FNIP1: variants seen among roughly 807,000 people sequenced by gnomAD.
FNIP1 encodes the protein folliculin-interacting protein 1.
A neutral mutation model predicts 124.5 loss-of-function variants in FNIP1; 40 were observed. The ratio of observed to expected loss-of-function variants is 0.32; its 90% CI spans 0.25 to 0.42. The LOEUF is 0.42. FNIP1 is among the 10% of genes least tolerant of loss of function. FNIP1 has a pLI of 1.00. For missense variants in FNIP1, 1,176 were observed against 1,403.7 expected (o/e 0.84, Z 2.59); for synonymous variants, 472 against 470.6 (o/e 1.00, Z -0.04).
chr5:131,739,580 G>A (rs942621226), intron 2 of FNIP1, among the ~76,000 whole-genome samples: 3 of 151,946 alleles, frequency 2.0e-5, no homozygotes, highest in South Asian at 2.1e-4. Flanking sequence ...TTGGGAGGCC[G>A]AGGTGGGTGG....
At chr5:131,780,962 C>G (rs904051354) in intron 1 of FNIP1, among the ~76,000 whole-genome samples, 2 of 152,154 alleles carry the variant, frequency 1.3e-5, no homozygotes, top group Non-Finnish European at 2.9e-5. Context: ...GCCTCTTGCA[C>G]CAGTTAGCCA....
chr5:131,691,612 C>T (rs1202113657), intron 11 of FNIP1, among the ~76,000 whole-genome samples: 7 of 151,960 alleles, frequency 4.6e-5, no homozygotes, highest in Admixed American at 4.6e-4. Flanking sequence ...CAAAAAGACA[C>T]AAATTATAAA....
At chr5:131,724,575 T>C (rs1769791279) in intron 3 of FNIP1, among the ~76,000 whole-genome samples, 1 of 152,210 alleles carries the variant, frequency 6.6e-6, no homozygotes, top group East Asian at 1.9e-4. Context: ...CTTGTAAATT[T>C]GTTTAGTTCC....
chr5:131,706,793 G>A (rs374366010), intron 8 of FNIP1, among the ~76,000 whole-genome samples: 2 of 152,176 alleles, frequency 1.3e-5, no homozygotes, highest in African/African-American at 4.8e-5. Flanking sequence ...AGGGACTCCA[G>A]AAGAAAATTA....
intron 1 of FNIP1, among the ~76,000 whole-genome samples, chr5:131,776,089 G>C (rs1249414852): frequency 1.3e-5 from 2 of 152,132 alleles, no homozygotes; most frequent in Non-Finnish European, 1.5e-5. Context: ...GAGTTCCTTG[G>C]CAGCATCTTT....
At chr5:131,749,950 A>G (rs1435688077) in intron 1 of FNIP1, among the ~76,000 whole-genome samples, 2 of 152,154 alleles carry the variant, frequency 1.3e-5, no homozygotes, top group African/African-American at 4.8e-5. Flanking sequence ...ATTCCTCAGA[A>G]CAGAGCCCCA....
intron 1 of FNIP1, among the ~76,000 whole-genome samples, chr5:131,788,383 C>T (rs1005996380): frequency 3.3e-5 from 5 of 151,796 alleles, no homozygotes; most frequent in African/African-American, 1.2e-4. Flanking sequence ...GAAGTGAGAT[C>T]CAAGGCCAGG....
At chr5:131,730,037 G>A (rs1380712601) in intron 3 of FNIP1, among the ~76,000 whole-genome samples, 2 of 152,034 alleles carry the variant, frequency 1.3e-5, no homozygotes, top group African/African-American at 2.4e-5. Flanking sequence ...CACCATGCCC[G>A]GCCCACATGG....
Position 131,704,182 on chromosome 5 carries a change from C to G in FNIP1, c.999G>C (p.Gly333=), listed in dbSNP as rs1192987686. The G allele has an allele frequency of 6.2e-7, 1 of 1,612,966 alleles. No individual in the cohort carries two copies. The highest frequency in any genetic ancestry group is 1.7e-5 in the Admixed American group (1 of 59,982). Residue 333 remains glycine, a synonymous_variant, in exon 10 of 18, where the codon GGG becomes GGC. Coordinates refer to ENST00000510461, the MANE Select transcript of FNIP1 (RefSeq NM_133372.3). ...GIVRKKKIAI[G]VIFSLSKDED... is the part of the protein sequence containing the mutation. ...CATCTTTGGACAATGAAAAGATTACCCCAATTGCAATCTTCTTTTTCCGCA... is the reference window on the plus strand; with the variant it reads ...CATCTTTGGACAATGAAAAGATTACGCCAATTGCAATCTTCTTTTTCCGCA...
intron 11 of FNIP1, among the ~76,000 whole-genome samples, chr5:131,696,784 T>C (rs1199109013): frequency 6.6e-6 from 1 of 152,126 alleles, no homozygotes; most frequent in East Asian, 1.9e-4. Context: ...TTCTCTCTGT[T>C]TTTCTCTACA....
At chr5:131,686,470 C>G (rs2149522215) in intron 11 of FNIP1, among the ~76,000 whole-genome samples, 1 of 152,292 alleles carries the variant, frequency 6.6e-6, no homozygotes, top group East Asian at 1.9e-4. Flanking sequence ...CTTCAGCCTC[C>G]TAAGTAGCTG....
intron 1 of FNIP1, among the ~76,000 whole-genome samples, chr5:131,775,285 A>T (rs965172207): frequency 2.0e-5 from 3 of 152,098 alleles, no homozygotes; most frequent in African/African-American, 7.2e-5. Context: ...ACAGTTATTT[A>T]TTGTGTATGC....
rs59097834 is a variant in FNIP1, at chr5:131,657,736, C to CAAAAAAAAAAAAAAA, written c.3109-5752_3109-5738dup. ...ATGATGAAAGAGCTTGAAAATAAGG[C>CAAAAAAAAAAAAAAA]AAAAAAAAAAAAAAAAAAAAAACGG... On this transcript the variant is annotated intron_variant, in intron 15 of 17. Transcript: ENST00000510461. 2.8e-4 allele frequency among the ~76,000 whole-genome samples: 18 copies of CAAAAAAAAAAAAAAA among 65,036 alleles called. 2 individuals carry two copies. The highest frequency in any genetic ancestry group is 1.1e-3 in the African/African-American group (17 of 16,150). The allele number at this position is 65,036 out of a possible 152,430, so 42.7% of individuals were successfully genotyped here.
chr5:131,755,240 GCAAAA>G (rs1771008890), intron 1 of FNIP1, among the ~76,000 whole-genome samples: 1 of 152,024 alleles, frequency 6.6e-6, no homozygotes, highest in Non-Finnish European at 1.5e-5. Flanking sequence ...GGCCAACATG[GCAAAA>G]CCCCATCTCT....
chr5:131,754,710 G>T (rs1206541433), intron 1 of FNIP1, among the ~76,000 whole-genome samples: 1 of 152,168 alleles, frequency 6.6e-6, no homozygotes, highest in Non-Finnish European at 1.5e-5. Flanking sequence ...GACATAACCA[G>T]TTCAACACAC....
Position 131,742,273 on chromosome 5 carries a change from G to A in FNIP1, c.219+2291C>T, listed in dbSNP as rs139978620. On this transcript the variant is annotated intron_variant, in intron 2 of 17. Transcript: ENST00000510461. ...GAGCCCAGAAGTTCGAGACCAGTCT[G>A]GCCAACAAGGCGAAACCCCATTTCT... 1.9e-3 allele frequency among the ~76,000 whole-genome samples: 295 copies of A among 152,274 alleles called. 1 individual carries two copies. Among genetic ancestry groups the A allele is most frequent in the African/African-American group, 6.7e-3 (280 of 41,550 alleles).
chr5:131,651,255 T>C (rs893244654), intron 16 of FNIP1, among the ~76,000 whole-genome samples: 1 of 152,088 alleles, frequency 6.6e-6, no homozygotes, highest in African/African-American at 2.4e-5. Context: ...TAGTCAGGTG[T>C]GGTAGCACGT....
At chr5:131,763,508 G>A (rs1296953132) in intron 1 of FNIP1, among the ~76,000 whole-genome samples, 1 of 152,114 alleles carries the variant, frequency 6.6e-6, no homozygotes, top group Admixed American at 6.6e-5. Flanking sequence ...GGAAGCCTCA[G>A]GAAAACTTAT....
chr5:131,754,692 G>A (rs148437900), intron 1 of FNIP1, among the ~76,000 whole-genome samples: 1 of 152,218 alleles, frequency 6.6e-6, no homozygotes, highest in Admixed American at 6.5e-5. Flanking sequence ...TGGAGCATCA[G>A]ATCAACAGAC....
Sources: allele counts gnomAD v4.1 joint callset (sites outside exome capture counted in the v4.1 genomes callset), GRCh38; gene constraint gnomAD v4.1.1; transcripts MANE v1.5; gene names NCBI Gene and HGNC (gene_info 2026-07-23, HGNC 2026-07-21).